Variants in PRKRA observed in about 807,000 individuals in gnomAD.
The protein encoded by PRKRA is protein activator of interferon induced protein kinase EIF2AK2.
A neutral mutation model predicts 32.4 loss-of-function variants in PRKRA; 22 were observed. The ratio of observed to expected loss-of-function variants is 0.68; its 90% CI spans 0.49 to 0.97. The LOEUF (loss-of-function observed/expected upper bound fraction) is 0.97, where lower values mean the gene tolerates loss of function less well. PRKRA is among the 50% of genes least tolerant of loss of function. The pLI is 0.00. For missense variants in PRKRA, 319 were observed against 375.6 expected (o/e 0.85, Z 1.25); for synonymous variants, 139 against 129.8 (o/e 1.07, Z -0.48).
At chr2:178,439,665 C>T (rs1190475388) in intron 6 of PRKRA, 3 of 151,792 alleles carry the variant, frequency 2.0e-5, no homozygotes, top group African/African-American at 7.3e-5. Flanking sequence ...TGTTGGTGGG[C>T]GTCCTTATTT....
chr2:178,432,772 AAT>A (rs2154124505), intron 7 of PRKRA, among the ~76,000 whole-genome samples: 2 of 152,340 alleles, frequency 1.3e-5, no homozygotes, highest in African/African-American at 4.8e-5. Flanking sequence ...ATTAAAAAAA[AAT>A]GTTTAATTGA....
chr2:178,435,091 G>A (rs565519886), intron 7 of PRKRA, among the ~76,000 whole-genome samples: 1 of 152,026 alleles, frequency 6.6e-6, no homozygotes, highest in Admixed American at 6.5e-5. Flanking sequence ...GTGGCACACA[G>A]CAGTAGTCCC....
At chr2:178,445,054 T>C (rs1697264480) in intron 3 of PRKRA, among the ~76,000 whole-genome samples, 1 of 152,268 alleles carries the variant, frequency 6.6e-6, no homozygotes, top group Admixed American at 6.5e-5. Context: ...AATACTGTTT[T>C]TTCATCCACA....
At chr2:178,447,330 T>C (rs144290374) in intron 3 of PRKRA, 175 bp downstream of exon 3, 1 of 1,159,978 alleles carries the variant, frequency 8.6e-7, no homozygotes, top group African/African-American at 1.6e-5. Context: ...AATTGCTGGA[T>C]TTGATTGGAT....
intron 3 of PRKRA, among the ~76,000 whole-genome samples, chr2:178,446,633 G>C (rs72953355): frequency 0.054 from 8,284 of 152,222 alleles, 313 homozygotes; most frequent in Non-Finnish European, 0.083. Context: ...AGAAGAACTT[G>C]AAAGCATGCC....
intron 6 of PRKRA, among the ~76,000 whole-genome samples, chr2:178,437,060 G>A (rs980490707): frequency 1.3e-5 from 2 of 152,046 alleles, no homozygotes; most frequent in Non-Finnish European, 2.9e-5. Flanking sequence ...AGTAAGTAGG[G>A]TTACTACTCT....
chr2:178,442,854 A>G (rs1412847550), intron 5 of PRKRA, among the ~76,000 whole-genome samples: 1 of 152,196 alleles, frequency 6.6e-6, no homozygotes, highest in Non-Finnish European at 1.5e-5. Context: ...TCTCACTGCA[A>G]TTATTTGCCA....
chr2:178,451,052 G>T lies in PRKRA; in HGVS notation c.-22C>A. 1.9e-6 allele frequency: 3 copies of T among 1,553,980 alleles called. No homozygotes were observed. Among genetic ancestry groups the T allele is most frequent in the Non-Finnish European group, 2.6e-6 (3 of 1,155,114 alleles). On this transcript the variant is annotated 5_prime_UTR_variant, in exon 1 of 8. Coordinates refer to ENST00000325748, the MANE Select transcript of PRKRA (RefSeq NM_003690.5). The stretch of plus-strand genomic sequence containing the variant: ...ACATGGCGAGAAGGGACGGCTCAGC[G>T]GCTGGAGGAAGAGCGGTGCGGAGCG...
chr2:178,436,306 C>G lies in PRKRA; in HGVS notation c.623G>C (p.Gly208Ala). 6.2e-7 allele frequency: 1 copy of G among 1,613,776 alleles called. No individual in the cohort carries two copies. The highest frequency in any genetic ancestry group is 1.1e-5 in the South Asian group (1 of 91,078). The change falls in exon 7 of 8, where the codon GGA (glycine) becomes GCA (alanine). Residue 208 changes from glycine (G) to alanine (A), a missense_variant. Gly to Ala is a moderately conservative substitution (Grantham distance 60). Coordinates refer to ENST00000325748, the MANE Select transcript of PRKRA (RefSeq NM_003690.5). ...ATGCCAAGTACATCCTAAAGAATGT[C>G]CTACTACATTTGTCTGAAAAACAGA... ...ENHISLTNVV[G>A]HSLGCTWHSL...
chr2:178,450,561 C>T (rs1188897935), intron 1 of PRKRA, 150 bp from the exon 2 acceptor site: 2 of 1,528,108 alleles, frequency 1.3e-6, no homozygotes, highest in African/African-American at 1.4e-5. Flanking sequence ...CTGGGGCGCA[C>T]CTGTCTTCCG....
intron 5 of PRKRA, among the ~76,000 whole-genome samples, chr2:178,442,579 C>T (rs921119001): frequency 2.0e-5 from 3 of 152,310 alleles, no homozygotes; most frequent in South Asian, 2.1e-4. Flanking sequence ...GCATCAAGGA[C>T]GGAAGCTGAG....
chr2:178,441,136 A>G (rs1392653498), intron 6 of PRKRA, among the ~76,000 whole-genome samples: 2 of 152,108 alleles, frequency 1.3e-5, no homozygotes, highest in Non-Finnish European at 2.9e-5. Context: ...GCCTTCTTCT[A>G]TGTTCCCACA....
chr2:178,440,735 C>T lies in PRKRA; in HGVS notation c.609+875G>A, dbSNP rs767309016. ...CACGTGTCTTCTGTAACAGCACTCT[C>T]GCAGGTCTCTTTGATCCTAATTTCA... On this transcript the variant is annotated intron_variant, in intron 6 of 7. Transcript: ENST00000325748. Among the ~76,000 whole-genome samples the T allele has an allele frequency of 3.3e-5, 5 of 152,178 alleles. No homozygotes were observed. In the South Asian group the frequency reaches 8.3e-4, roughly 25 times the overall value.
In PRKRA at chr2:178,432,267, A is replaced by G. The variant is rs769229914; in HGVS notation, c.785-13T>C. On this transcript the variant is annotated splice_polypyrimidine_tract_variant and intron_variant, in intron 7 of 7. Coordinates refer to ENST00000325748, the MANE Select transcript of PRKRA (RefSeq NM_003690.5). ...GCGCTCAGTTCATCTGTAATGACACATTCAAGGATGACGATTAATGTCCAA... is the reference window on the plus strand; with the variant it reads ...GCGCTCAGTTCATCTGTAATGACACGTTCAAGGATGACGATTAATGTCCAA... 3 of 1,585,268 alleles carry G rather than the reference A, an allele frequency of 1.9e-6. No homozygotes were observed. The highest frequency in any genetic ancestry group is 1.1e-5 in the South Asian group (1 of 90,576).
intron 6 of PRKRA, among the ~76,000 whole-genome samples, chr2:178,438,146 A>C (rs763120791): frequency 1.3e-5 from 2 of 152,194 alleles, no homozygotes; most frequent in Non-Finnish European, 2.9e-5. Context: ...CAAATGTATT[A>C]ATCTTTTAAC....
Position 178,431,928 on chromosome 2 carries a change from A to G in PRKRA, c.*169T>C. 4.8e-6 allele frequency: 4 copies of G among 835,504 alleles called. No homozygotes were observed. In the Admixed American group the frequency reaches 9.4e-5, roughly 20 times the overall value. 51.8% of individuals were successfully genotyped at this position (835,504 alleles called of 1,614,324 possible). A position where few individuals can be genotyped will look rare whatever the true frequency, so the allele number is the denominator to read the frequency against. ...ACTGATACAAAGTTGAAGCCATTAA[A>G]AAGAGCTTAATAACAACTATGAGGA... On this transcript the variant is annotated 3_prime_UTR_variant, in exon 8 of 8. Coordinates refer to ENST00000325748, the MANE Select transcript of PRKRA (RefSeq NM_003690.5).
chr2:178,450,934 G>C (rs1419568144), intron 1 of PRKRA, 32 bp downstream of exon 1: 2 of 862,026 alleles, frequency 2.3e-6, no homozygotes, highest in Admixed American at 4.6e-5. Flanking sequence ...CAACGCTCCC[G>C]GCCCTGGGGC....
chr2:178,450,910 C>G, intron 1 of PRKRA, 56 bp downstream of exon 1: 1 of 1,515,212 alleles, frequency 6.6e-7, no homozygotes, highest in East Asian at 2.6e-5. Flanking sequence ...TCCCCGCGCC[C>G]CGGCCCTGCC....
intron 6 of PRKRA, among the ~76,000 whole-genome samples, chr2:178,437,248 TG>T (rs1696937445): frequency 6.6e-6 from 1 of 152,186 alleles, no homozygotes; most frequent in Admixed American, 6.5e-5. Flanking sequence ...AAAATATACA[TG>T]CACTAAGAAC....
Sources: allele counts gnomAD v4.1 joint callset (sites outside exome capture counted in the v4.1 genomes callset), GRCh38; gene constraint gnomAD v4.1.1; transcripts MANE v1.5; gene names NCBI Gene and HGNC (gene_info 2026-07-23, HGNC 2026-07-21).